Variants in STX7 observed in about 807,000 individuals in gnomAD.
STX7 encodes syntaxin 7.
In STX7, 34 loss-of-function variants were observed where a neutral mutation model predicts 39.6. That is an observed-to-expected ratio of 0.86 (90% CI 0.65 to 1.14). The LOEUF is 1.14. Among genes scored for constraint, STX7 ranks in the 50% most tolerant of loss-of-function variants. The pLI is 0.00. For synonymous variants in STX7, 119 were observed against 99.1 expected (o/e 1.20, Z -1.19); for missense variants, 284 against 310.4 (o/e 0.92, Z 0.64).
intron 2 of STX7, among the ~76,000 whole-genome samples, chr6:132,503,018 C>T (rs1209524590): frequency 6.6e-6 from 1 of 152,142 alleles, no homozygotes; most frequent in Non-Finnish European, 1.5e-5. Context: ...CATACTTGCC[C>T]ATCATAAGAT....
intron 2 of STX7, 93 bp from the exon 3 acceptor site, chr6:132,475,755 G>A: frequency 1.6e-6 from 1 of 635,198 alleles, no homozygotes; most frequent in South Asian, 3.0e-5. Context: ...TTGGGCAGTT[G>A]AAAAGAGACA....
At chr6:132,496,031 T>C (rs900454253) in intron 2 of STX7, among the ~76,000 whole-genome samples, 3 of 152,190 alleles carry the variant, frequency 2.0e-5, no homozygotes, top group African/African-American at 7.2e-5. Context: ...AGTCACCTTC[T>C]CTTAGCACTT....
intron 8 of STX7, 137 bp from the exon 9 acceptor site, chr6:132,464,212 ATTTT>A (rs930410081): frequency 1.2e-6 from 1 of 820,904 alleles, no homozygotes; most frequent in African/African-American, 1.7e-5. Context: ...ATAAAGTTGA[ATTTT>A]TTTAAGCTGG....
intron 1 of STX7, among the ~76,000 whole-genome samples, chr6:132,512,770 C>T (rs1775884609): frequency 6.6e-6 from 1 of 152,150 alleles, no homozygotes; most frequent in Non-Finnish European, 1.5e-5. Context: ...ACCACAGCCG[C>T]GCGCACCCGG....
chr6:132,453,282 G>A lies in STX7; in HGVS notation c.*7476C>T, dbSNP rs185414684. The A allele has an allele frequency of 1.3e-5, 2 of 152,100 alleles. No homozygotes were observed. The highest frequency in any genetic ancestry group is 2.4e-5 in the African/African-American group (1 of 41,532). The allele number at this position is 152,100 out of a possible 1,614,324, so 9.4% of individuals were successfully genotyped here. ...TGGAATATAGACTTAAAAGTAAAAC[G>A]TAAACTATAATACTTTTAGAAAACA... On this transcript the variant is annotated 3_prime_UTR_variant, in exon 10 of 10. Coordinates refer to ENST00000367941, the MANE Select transcript of STX7 (RefSeq NM_003569.3).
At chr6:132,467,157 C>T (rs541691031) in intron 8 of STX7, among the ~76,000 whole-genome samples, 91 of 152,260 alleles carry the variant, frequency 6.0e-4, no homozygotes, top group African/African-American at 2.0e-3. Context: ...GCTTCTCATT[C>T]GTTTGTAAAA....
At chr6:132,478,187 A>G (rs1485790892) in intron 2 of STX7, among the ~76,000 whole-genome samples, 1 of 152,090 alleles carries the variant, frequency 6.6e-6, no homozygotes, top group Non-Finnish European at 1.5e-5. Flanking sequence ...AACTTAAAGT[A>G]TAATAAAAAA....
intron 2 of STX7, among the ~76,000 whole-genome samples, chr6:132,497,346 T>TA (rs1042477556): frequency 1.3e-5 from 2 of 152,098 alleles, no homozygotes; most frequent in African/African-American, 4.8e-5. Context: ...TCTATTAGAT[T>TA]AAAAAAAGGA....
intron 2 of STX7, among the ~76,000 whole-genome samples, chr6:132,500,515 TA>T (rs745963710): frequency 3.9e-4 from 59 of 152,172 alleles, no homozygotes; most frequent in Non-Finnish European, 7.6e-4. Context: ...AAAGACCATC[TA>T]AAGTAAAGGT....
At chr6:132,500,362 C>T (rs1775528798) in intron 2 of STX7, among the ~76,000 whole-genome samples, 1 of 152,176 alleles carries the variant, frequency 6.6e-6, no homozygotes, top group Non-Finnish European at 1.5e-5. Flanking sequence ...GTGCTTCAGC[C>T]ACACTAGCTT....
chr6:132,507,905 C>T (rs1311974582), intron 1 of STX7, among the ~76,000 whole-genome samples: 3 of 152,202 alleles, frequency 2.0e-5, no homozygotes, highest in Non-Finnish European at 4.4e-5. Context: ...GTCGCACATC[C>T]ATGTCTCCAG....
intron 2 of STX7, among the ~76,000 whole-genome samples, chr6:132,488,731 G>A (rs991265682): frequency 6.6e-6 from 1 of 152,058 alleles, no homozygotes; most frequent in Non-Finnish European, 1.5e-5. Context: ...TGGGAGGGAG[G>A]AGTCAGCTAC....
At position 132,446,537 on chromosome 6, in the gene STX7, A is replaced by C. The variant is rs1001747996; in HGVS notation, c.*14221T>G. ...GCTATCAACTATCGCATTGTCCCCA[A>C]TGTCAGAATGTGCTGAATAAGATTT... is the stretch of plus-strand genomic sequence containing the variant. On this transcript the variant is annotated 3_prime_UTR_variant, in exon 10 of 10. Coordinates refer to ENST00000367941, the MANE Select transcript of STX7 (RefSeq NM_003569.3). 6.6e-6 allele frequency: 1 copy of C among 152,154 alleles called. No individual in the cohort carries two copies. Among genetic ancestry groups the C allele is most frequent in the South Asian group, 2.1e-4 (1 of 4,828 alleles). 9.4% of individuals were successfully genotyped at this position (152,154 alleles called of 1,614,324 possible). A position where few individuals can be genotyped will look rare whatever the true frequency, so the allele number is the denominator to read the frequency against.
chr6:132,461,574 T>G, intron 9 of STX7: 1 of 375,870 alleles, frequency 2.7e-6, no homozygotes, highest in Non-Finnish European at 4.9e-6. Context: ...CCTCCCACAG[T>G]GCTGGGATTA....
At chr6:132,505,062 A>G (rs1234952794) in intron 1 of STX7, among the ~76,000 whole-genome samples, 1 of 152,208 alleles carries the variant, frequency 6.6e-6, no homozygotes, top group Non-Finnish European at 1.5e-5. Flanking sequence ...CATTTCTCGC[A>G]CATCTGCGAC....
At position 132,457,265 on chromosome 6, in the gene STX7, G is replaced by T. The variant is rs1010670036; in HGVS notation, c.*3493C>A. 6.6e-6 allele frequency: 1 copy of T among 152,194 alleles called. No homozygotes were observed. Among genetic ancestry groups the T allele is most frequent in the South Asian group, 2.1e-4 (1 of 4,834 alleles). The allele number at this position is 152,194 out of a possible 1,614,324, so 9.4% of individuals were successfully genotyped here. On this transcript the variant is annotated 3_prime_UTR_variant, in exon 10 of 10. Transcript: ENST00000367941. Reference sequence around the variant, plus strand: ...TAAAATATGCAAAATTCACATTAAAGAAGTTTCCTACCTATCTTGTGACCT... The same window carrying T: ...TAAAATATGCAAAATTCACATTAAATAAGTTTCCTACCTATCTTGTGACCT...
chr6:132,511,683 C>A (rs1173481977), intron 1 of STX7, among the ~76,000 whole-genome samples: 1 of 152,176 alleles, frequency 6.6e-6, no homozygotes, highest in Admixed American at 6.5e-5. Flanking sequence ...TTGGCCTTAG[C>A]TCTTTCATCA....
rs989305040 is a variant in STX7 at position 132,456,743 on chromosome 6, C to T, written c.*4015G>A. 6.6e-6 allele frequency: 1 copy of T among 152,176 alleles called. No homozygotes were observed. The highest frequency in any genetic ancestry group is 1.5e-5 in the Non-Finnish European group (1 of 68,040). 9.4% of individuals were successfully genotyped at this position (152,176 alleles called of 1,614,324 possible). A position where few individuals can be genotyped will look rare whatever the true frequency, so the allele number is the denominator to read the frequency against. ...TCCACTTCACGTGGTTTGAACTGTA[C>T]ATCTCAGTGTTTGTTTCACAATTAT... On this transcript the variant is annotated 3_prime_UTR_variant, in exon 10 of 10. Transcript: ENST00000367941.
At chr6:132,503,263 A>G (rs1241518969) in intron 2 of STX7, among the ~76,000 whole-genome samples, 183 bp downstream of exon 2, 2 of 152,236 alleles carry the variant, frequency 1.3e-5, no homozygotes, top group Non-Finnish European at 2.9e-5. Flanking sequence ...AGAAAAATGC[A>G]GTAAGTGTTA....
Sources: allele counts gnomAD v4.1 joint callset (sites outside exome capture counted in the v4.1 genomes callset), GRCh38; gene constraint gnomAD v4.1.1; transcripts MANE v1.5; gene names NCBI Gene and HGNC (gene_info 2026-07-23, HGNC 2026-07-21).